The following SLC4A7 variants were observed in gnomAD, a reference collection of about 807,000 sequenced individuals.
SLC4A7 encodes solute carrier family 4 member 7.
A neutral mutation model predicts 137.6 loss-of-function variants in SLC4A7; 51 were observed. That is an observed-to-expected ratio of 0.37 (90% CI 0.30 to 0.47). The LOEUF (loss-of-function observed/expected upper bound fraction) is 0.47, where lower values mean the gene tolerates loss of function less well. SLC4A7 is among the 20% of genes least tolerant of loss of function. The pLI is 1.00. For missense variants in SLC4A7, 1,247 were observed against 1,525.4 expected, an observed-to-expected ratio of 0.82 and a Z score of 3.04; for synonymous variants, 542 against 518.6, an observed-to-expected ratio of 1.05 and a Z score of -0.61.
chr3:27,431,541 G>T lies in SLC4A7; in HGVS notation c.907C>A (p.Pro303Thr). The change falls in exon 7 of 26, where the codon CCT (proline) becomes ACT (threonine). Residue 303 changes from proline (P) to threonine (T), a missense_variant. Transcript: ENST00000454389. ...GGGGTTGTACACCTTGAGCCTGCAG[G>T]GGTTCCAGCTCTTGAAGAAGGAAGA... ...HLLPSSRAGT[P>T]AGSRCTTPVP... 2 of 1,614,040 alleles carry T rather than the reference G, an allele frequency of 1.2e-6. No homozygotes were observed. The highest frequency in any genetic ancestry group is 1.7e-6 in the Non-Finnish European group (2 of 1,179,990).
chr3:27,374,829 C>T lies in SLC4A7; in HGVS notation c.*1935G>A, dbSNP rs1284659589. 6.6e-6 allele frequency: 1 copy of T among 152,412 alleles called. No homozygotes were observed. The highest frequency in any genetic ancestry group is 6.6e-5 in the Admixed American group (1 of 15,250). The allele number at this position is 152,412 out of a possible 1,614,324, so 9.4% of individuals were successfully genotyped here. ...GTGAGGAAATCCTCTTGTTCAGGTA[C>T]ATCAGGGGAGTTTTAAAAATAGCAG... On this transcript the variant is annotated 3_prime_UTR_variant, in exon 26 of 26. Coordinates refer to ENST00000454389, the MANE Select transcript of SLC4A7 (RefSeq NM_001321103.2).
chr3:27,446,118 G>GTA (rs10666252), intron 3 of SLC4A7, among the ~76,000 whole-genome samples: 84,556 of 148,838 alleles, frequency 0.57, 24,327 homozygotes, highest in East Asian at 0.79. Context: ...ATTTAACTAT[G>GTA]TGTGTGTGTA....
chr3:27,464,967 G>A (rs1272890733), intron 1 of SLC4A7, among the ~76,000 whole-genome samples: 3 of 151,900 alleles, frequency 2.0e-5, no homozygotes, highest in Non-Finnish European at 4.4e-5. Context: ...CAATAAATTC[G>A]TAACCCCTCA....
rs2149968490 is a variant in SLC4A7 at position 27,374,357 on chromosome 3, A to G, written c.*2407T>C. ...TTTGCACCTTGAGGTAAATCAGTAC[A>G]TAGCAACTACTACTGCTTACATACA... On this transcript the variant is annotated 3_prime_UTR_variant, in exon 26 of 26. Transcript: ENST00000454389. 1 of 152,688 alleles carries G rather than the reference A, an allele frequency of 6.5e-6. No homozygotes were observed. Among genetic ancestry groups the G allele is most frequent in the Admixed American group, 6.5e-5 (1 of 15,300 alleles). 9.5% of individuals were successfully genotyped at this position (152,688 alleles called of 1,614,324 possible).
chr3:27,437,580 G>C, intron 3 of SLC4A7, 54 bp from the exon 4 acceptor site: 1 of 1,221,772 alleles, frequency 8.2e-7, no homozygotes, highest in Middle Eastern at 2.2e-4. Context: ...GTCATTCAAA[G>C]ATAAATTCAC....
rs186363992 is a variant in SLC4A7 at position 27,433,823 on chromosome 3, G to A, written c.778+93C>T. The stretch of plus-strand genomic sequence containing the variant: ...AGTAATTCAGAGGTAGGTATAGTGA[G>A]TGTTTAAATATCCCCAAATGTTAAT... On this transcript the variant is annotated intron_variant, in intron 6 of 25. Coordinates refer to ENST00000454389, the MANE Select transcript of SLC4A7 (RefSeq NM_001321103.2). 706 of 1,054,638 alleles carry A rather than the reference G, an allele frequency of 6.7e-4. 3 individuals carry two copies. In the African/African-American group the frequency reaches 0.011, roughly 16 times the overall value. 65.3% of individuals were successfully genotyped at this position (1,054,638 alleles called of 1,614,324 possible). A position where few individuals can be genotyped will look rare whatever the true frequency, so the allele number is the denominator to read the frequency against.
chr3:27,433,722 A>G (rs9836092), intron 6 of SLC4A7, among the ~76,000 whole-genome samples, 194 bp downstream of exon 6: 3,529 of 152,336 alleles, frequency 0.023, 151 homozygotes, highest in African/African-American at 0.081. Flanking sequence ...GTAATATTAA[A>G]AATTATAGAT....
chr3:27,449,634 A>G (rs1320090260), intron 2 of SLC4A7, among the ~76,000 whole-genome samples: 3 of 152,166 alleles, frequency 2.0e-5, no homozygotes, highest in African/African-American at 7.2e-5. Context: ...TTGCAGTATA[A>G]TAACAAAATA....
At chr3:27,401,010 C>T (rs2052692058) in intron 15 of SLC4A7, 141 bp from the exon 16 acceptor site, 1 of 507,830 alleles carries the variant, frequency 2.0e-6, no homozygotes, top group Non-Finnish European at 3.5e-6. Flanking sequence ...GTGGAAAATA[C>T]ATCAGAAACA....
chr3:27,372,949 A>T lies in SLC4A7; in HGVS notation c.*3815T>A, dbSNP rs2049657630. ...CATTGTAATTATAAAAGCCATAAAA[A>T]TTGGAACTGTATTGTGAAATTACAT... On this transcript the variant is annotated 3_prime_UTR_variant, in exon 26 of 26. Transcript: ENST00000454389. 6.6e-6 allele frequency: 1 copy of T among 152,562 alleles called. No individual in the cohort carries two copies. The highest frequency in any genetic ancestry group is 1.5e-5 in the Non-Finnish European group (1 of 67,998). The allele number at this position is 152,562 out of a possible 1,614,324, so 9.5% of individuals were successfully genotyped here. A position where few individuals can be genotyped will look rare whatever the true frequency, so the allele number is the denominator to read the frequency against.
At chr3:27,456,616 G>T in intron 1 of SLC4A7, 1 of 1,394,676 alleles carries the variant, frequency 7.2e-7, no homozygotes, top group Non-Finnish European at 1.0e-6. Context: ...AAATTCGTTT[G>T]TAAATAAAAG....
chr3:27,422,533 C>T (rs1209639549), intron 8 of SLC4A7, among the ~76,000 whole-genome samples: 2 of 152,132 alleles, frequency 1.3e-5, no homozygotes, highest in African/African-American at 4.8e-5. Flanking sequence ...CCTCCCAAAA[C>T]ACAGGGATTA....
intron 1 of SLC4A7, chr3:27,456,719 T>C: frequency 1.2e-6 from 2 of 1,608,432 alleles, no homozygotes; most frequent in East Asian, 2.2e-5. Flanking sequence ...GATGATGTAA[T>C]GCAGTAACTC....
chr3:27,397,202 A>G (rs2052273458), intron 18 of SLC4A7, among the ~76,000 whole-genome samples: 1 of 151,900 alleles, frequency 6.6e-6, no homozygotes, highest in South Asian at 2.1e-4. Flanking sequence ...TAATTTTTGT[A>G]TTTTTAGTAC....
intron 7 of SLC4A7, among the ~76,000 whole-genome samples, chr3:27,427,757 C>A (rs12495795): frequency 0.15 from 23,540 of 152,110 alleles, 2,001 homozygotes; most frequent in South Asian, 0.27. Flanking sequence ...CAGTTACATA[C>A]TATCTACAGT....
At chr3:27,416,832 T>C (rs6551199) in intron 11 of SLC4A7, among the ~76,000 whole-genome samples, 140,801 of 152,252 alleles carry the variant, frequency 0.92, 65,228 homozygotes, top group East Asian at 1. Flanking sequence ...TTGCTTGAAA[T>C]AGAAAATCAA....
chr3:27,469,365 C>T (rs957635383), intron 1 of SLC4A7, among the ~76,000 whole-genome samples: 3 of 152,076 alleles, frequency 2.0e-5, no homozygotes, highest in African/African-American at 4.8e-5. Context: ...GCTCAGTCAC[C>T]AAGACTCTTC....
At chr3:27,443,992 T>C (rs1035378721) in intron 3 of SLC4A7, among the ~76,000 whole-genome samples, 2 of 152,236 alleles carry the variant, frequency 1.3e-5, no homozygotes, top group Non-Finnish European at 2.9e-5. Context: ...TTTTATGGAC[T>C]AGAATATGAT....
At chr3:27,473,121 G>C (rs1306341100) in intron 1 of SLC4A7, among the ~76,000 whole-genome samples, 1 of 150,998 alleles carries the variant, frequency 6.6e-6, no homozygotes, top group African/African-American at 2.4e-5. Context: ...AAAAATGGAA[G>C]AAAACATCTA....
Sources: gnomAD v4.1 joint callset for allele counts (sites outside exome capture counted in the v4.1 genomes callset) on GRCh38, gnomAD v4.1.1 for gene constraint, MANE v1.5 for transcripts, NCBI Gene and HGNC (gene_info 2026-07-23, HGNC 2026-07-21) for gene names.